Variants in BEST2 observed in about 807,000 individuals in gnomAD.
BEST2 encodes bestrophin-2a.
Under a neutral mutation model 49.0 loss-of-function variants are expected in BEST2, and 36 were observed. The observed-to-expected ratio is 0.73, with a 90% CI of 0.56 to 0.97. The LOEUF is 0.97. Ranked by LOEUF, BEST2 falls within the 50% of genes least tolerant of loss-of-function variation. BEST2 has a pLI of 0.00. For missense variants in BEST2, 672 were observed against 710.0 expected (o/e 0.95, Z 0.61); for synonymous variants, 335 against 304.4 (o/e 1.10, Z -1.05).
At position 12,754,731 on chromosome 19, in the gene BEST2, G is replaced by C. The variant is rs565237088; in HGVS notation, c.427G>C (p.Val143Leu). The C allele has an allele frequency of 4.0e-5, 64 of 1,593,240 alleles. No individual in the cohort carries two copies. In the East Asian group the frequency reaches 1.3e-3, roughly 33 times the overall value. The change falls in exon 4 of 10, where the codon GTC becomes CTC. Residue 143 changes from valine (V) to leucine (L), a missense_variant. Physicochemically the swap from Val to Leu is conservative, Grantham distance 32. Coordinates refer to ENST00000553030, the MANE Select transcript of BEST2 (RefSeq NM_017682.3). ...CTCGGCCGTGCTCATCCTGCGCTCCGTCAGCACCGCGGTGTTCAAGCGCTT... is the reference window on the plus strand; with the variant it reads ...CTCGGCCGTGCTCATCCTGCGCTCCCTCAGCACCGCGGTGTTCAAGCGCTT... The part of the protein sequence containing the change: ...GLSAVLILRS[V>L]STAVFKRFPT...
rs745509619 is a variant in BEST2, at chr19:12,757,913, G to C, written c.1366G>C (p.Gly456Arg). The change falls in exon 10 of 10, where the codon GGC becomes CGC. Residue 456 changes from glycine to arginine, a missense_variant. By Grantham distance (125) the Gly-to-Arg change is moderately radical. Coordinates refer to ENST00000553030, the MANE Select transcript of BEST2 (RefSeq NM_017682.3). ...CSCGDPLLDP[G>R]LPEPEAPPPA... ...CTGCGGGGACCCGCTGCTCGACCCC[G>C]GCCTGCCGGAGCCCGAGGCCCCGCC... 1.3e-6 allele frequency: 2 copies of C among 1,560,008 alleles called. No homozygotes were observed. Among genetic ancestry groups the C allele is most frequent in the East Asian group, 4.7e-5 (2 of 42,372 alleles).
rs765991431 is a variant in BEST2, at chr19:12,754,987, G to C, written c.592G>C (p.Glu198Gln). 20 of 1,612,078 alleles carry C rather than the reference G, an allele frequency of 1.2e-5. No individual in the cohort carries two copies. Among genetic ancestry groups the C allele is most frequent in the African/African-American group, 8.0e-5 (6 of 74,830 alleles). The part of the protein sequence containing the change: ...FSNLAAQARR[E>Q]GRIRDNSALK... ...CAACCTGGCGGCACAGGCCCGACGC[G>C]AGGGCCGCATCCGCGACAACAGCGC... Residue 198 changes from glutamate to glutamine, a missense_variant, in exon 5 of 10, where the codon GAG becomes CAG. Physicochemically the swap from Glu to Gln is conservative, Grantham distance 29. Around this residue, in one of 3 missense-constraint regions of BEST2, gnomAD observed 365 missense variants for 390.9 expected, o/e 0.93. Coordinates refer to ENST00000553030, the MANE Select transcript of BEST2 (RefSeq NM_017682.3).
At position 12,755,376 on chromosome 19, in the gene BEST2, C is replaced by T. The variant is rs1480119871; in HGVS notation, c.637-3C>T. The stretch of plus-strand genomic sequence containing the variant: ...CCTCCTCATGACCTGTATCCACCCC[C>T]AGGAGCTGAATGTTTTTCGGGGCAA... On this transcript the variant is annotated splice_region_variant and splice_polypyrimidine_tract_variant and intron_variant, in intron 5 of 9. Coordinates refer to ENST00000553030, the MANE Select transcript of BEST2 (RefSeq NM_017682.3). The surrounding 1 kb of genome is among the most constrained non-coding windows in gnomAD (Gnocchi z 4.4). 2 of 1,613,984 alleles carry T rather than the reference C, an allele frequency of 1.2e-6. No homozygotes were observed. The highest frequency in any genetic ancestry group is 2.2e-5 in the East Asian group (1 of 44,896).
rs769975830 is a variant in BEST2, at chr19:12,752,592, G to A, written c.-1G>A. The stretch of plus-strand genomic sequence containing the variant: ...CTTGGCCACACCTGCCGGGTGCCAC[G>A]ATGACCGTCACCTACACAGCCCGAG... On this transcript the variant is annotated 5_prime_UTR_variant, in exon 2 of 10. Coordinates refer to ENST00000553030, the MANE Select transcript of BEST2 (RefSeq NM_017682.3). 2.0e-5 allele frequency: 33 copies of A among 1,611,174 alleles called. No homozygotes were observed. The highest frequency in any genetic ancestry group is 2.7e-5 in the African/African-American group (2 of 74,792).
In BEST2 at chr19:12,757,811, A is replaced by G; in HGVS notation, c.1264A>G (p.Ser422Gly). The G allele has an allele frequency of 1.9e-6, 3 of 1,548,984 alleles. No homozygotes were observed. Among genetic ancestry groups the G allele is most frequent in the Non-Finnish European group, 2.6e-6 (3 of 1,146,604 alleles). Reference protein sequence around the residue: ...RRLSFLLRKNSCVSEASTGAS... With the variant: ...RRLSFLLRKNGCVSEASTGAS... ...CCTGTCCTTTCTACTCCGCAAGAAC[A>G]GCTGCGTGTCGGAGGCGTCTACTGG... The change falls in exon 10 of 10, where the codon AGC becomes GGC. Residue 422 changes from serine (S) to glycine (G), a missense_variant. Ser to Gly is a moderately conservative substitution (Grantham distance 56, BLOSUM62 0). This residue lies in a region of BEST2 where 291 missense variants were observed against 279.8 expected (regional missense o/e 1.04). Coordinates refer to ENST00000553030, the MANE Select transcript of BEST2 (RefSeq NM_017682.3).
chr19:12,755,534 G>C lies in BEST2; in HGVS notation c.714+78G>C. 6.2e-7 allele frequency: 1 copy of C among 1,609,328 alleles called. No individual in the cohort carries two copies. Among genetic ancestry groups the C allele is most frequent in the South Asian group, 1.1e-5 (1 of 90,982 alleles). On this transcript the variant is annotated intron_variant, in intron 6 of 9. Coordinates refer to ENST00000553030, the MANE Select transcript of BEST2 (RefSeq NM_017682.3). This position sits in a 1 kb window ranked among gnomAD's most constrained non-coding sequence, Gnocchi z 4.4. Reference sequence around the variant, plus strand: ...GTTTCCAAGGGGAAACCAAGAACTAGCTAAGACCCCCATCATAATGATGCC... The same window carrying C: ...GTTTCCAAGGGGAAACCAAGAACTACCTAAGACCCCCATCATAATGATGCC...
intron 9 of BEST2, chr19:12,756,749 G>T: frequency 5.5e-6 from 1 of 181,620 alleles, no homozygotes; most frequent in Non-Finnish European, 1.2e-5. Flanking sequence ...CAGGGGCTGA[G>T]GTGGGAGGAT....
In BEST2 at chr19:12,752,561, C is replaced by G. The variant is rs1170185276; in HGVS notation, c.-32C>G. On this transcript the variant is annotated 5_prime_UTR_variant, in exon 2 of 10. Coordinates refer to ENST00000553030, the MANE Select transcript of BEST2 (RefSeq NM_017682.3). ...CCGCAGCCCCCACCCGGGCCACCCA[C>G]TCTCCCTTGGCCACACCTGCCGGGT... The G allele has an allele frequency of 6.2e-7, 1 of 1,607,406 alleles. No homozygotes were observed. The highest frequency in any genetic ancestry group is 8.5e-7 in the Non-Finnish European group (1 of 1,177,406).
At chr19:12,752,106 C>T (rs1967875498) in intron 1 of BEST2, 1 of 166,050 alleles carries the variant, frequency 6.0e-6, no homozygotes. Context: ...GTGCAGGGAG[C>T]AGAATGGGTC....
In BEST2 at chr19:12,752,585, G is replaced by C. The variant is rs776803481; in HGVS notation, c.-8G>C. ...ACTCTCCCTTGGCCACACCTGCCGG[G>C]TGCCACGATGACCGTCACCTACACA... On this transcript the variant is annotated 5_prime_UTR_variant, in exon 2 of 10. Transcript: ENST00000553030. The C allele has an allele frequency of 6.2e-7, 1 of 1,610,976 alleles. No homozygotes were observed.
At position 12,754,887 on chromosome 19, in the gene BEST2, C is replaced by G. The variant is rs944937149; in HGVS notation, c.492C>G (p.Thr164=). 4 of 1,612,492 alleles carry G rather than the reference C, an allele frequency of 2.5e-6. No individual in the cohort carries two copies. In the Admixed American group the frequency reaches 6.7e-5, roughly 27 times the overall value. The change falls in exon 5 of 10, where the codon ACC becomes ACG. Residue 164 remains threonine, a synonymous_variant. Coordinates refer to ENST00000553030, the MANE Select transcript of BEST2 (RefSeq NM_017682.3). ...IDHVVEAGFM[T]REERKKFENL... is the part of the protein sequence containing the mutation. ...ACCCCTTTCCTCCAGGGTTTATGAC[C>G]CGCGAGGAGCGCAAGAAGTTTGAAA...
rs867875103 is a variant in BEST2 at position 12,754,786 on chromosome 19, G to T, written c.481+1G>T. 2.5e-6 allele frequency: 4 copies of T among 1,579,694 alleles called. No individual in the cohort carries two copies. Among genetic ancestry groups the T allele is most frequent in the Non-Finnish European group, 3.4e-6 (4 of 1,162,216 alleles). On this transcript the variant is annotated splice_donor_variant, in intron 4 of 9. Transcript: ENST00000553030. LOFTEE classifies it high-confidence loss of function. ...ACCATAGACCACGTGGTGGAGGCTG[G>T]TGAGTACTCGGCCAGAGGCAGGGCA...
chr19:12,756,112 C>G, intron 8 of BEST2, 29 bp from the exon 9 acceptor site: 1 of 1,613,702 alleles, frequency 6.2e-7, no homozygotes, highest in Non-Finnish European at 8.5e-7. Flanking sequence ...GCCCTGCCCC[C>G]ACTTTACCCT....
rs762979614 is a variant in BEST2 at position 12,755,808 on chromosome 19, G to C, written c.867+41G>C. 1.2e-6 allele frequency: 2 copies of C among 1,613,536 alleles called. No homozygotes were observed. The highest frequency in any genetic ancestry group is 2.2e-5 in the East Asian group (1 of 44,878). On this transcript the variant is annotated intron_variant, in intron 7 of 9. Transcript: ENST00000553030. The surrounding 1 kb of genome is among the most constrained non-coding windows in gnomAD (Gnocchi z 4.4). Reference sequence around the variant, plus strand: ...AGGCTGGAATTTCGTGGGTGGGGCGGGCATGGGGTTCCCAAGTTTCCACCT... The same window carrying C: ...AGGCTGGAATTTCGTGGGTGGGGCGCGCATGGGGTTCCCAAGTTTCCACCT...
chr19:12,757,658 AAAG>A lies in BEST2; in HGVS notation c.1116_1118del (p.Glu372del), dbSNP rs1004832185. On this transcript the variant is annotated inframe_deletion, in exon 10 of 10. Transcript: ENST00000553030. ...CCACTGTCGGTCCCGCAGGCTGGCC[AAAG>A]AAGACATGCAGTTCCAGCGGCTGGA... 9 of 1,538,522 alleles carry A rather than the reference AAAG, an allele frequency of 5.8e-6. No homozygotes were observed. Among genetic ancestry groups the A allele is most frequent in the Admixed American group, 2.0e-5 (1 of 50,088 alleles).
In BEST2 at chr19:12,757,964, C is replaced by T. The variant is rs1967966609; in HGVS notation, c.1417C>T (p.Leu473Phe). ...CCCTGCGGGTCCCGAACCGCTTACC[C>T]TCATCCCTGGGCCTGTCGAGCCCTT... ...PPPAGPEPLT[L>F]IPGPVEPFSI... is the part of the protein sequence containing the mutation. Residue 473 changes from leucine to phenylalanine, a missense_variant, in exon 10 of 10, where the codon CTC (leucine) becomes TTC (phenylalanine). By Grantham distance (22) the Leu-to-Phe change is conservative. Transcript: ENST00000553030. The T allele has an allele frequency of 6.2e-7, 1 of 1,607,090 alleles. No individual in the cohort carries two copies. The highest frequency in any genetic ancestry group is 8.5e-7 in the Non-Finnish European group (1 of 1,178,016).
intron 3 of BEST2, among the ~76,000 whole-genome samples, chr19:12,754,223 G>A (rs572849820): frequency 6.3e-4 from 96 of 151,834 alleles, no homozygotes; most frequent in Non-Finnish European, 1.1e-3. Context: ...CTACAGGTGC[G>A]CCACCATGCC....
chr19:12,753,148 G>A, intron 2 of BEST2, 112 bp from the exon 3 acceptor site: 1 of 1,104,582 alleles, frequency 9.1e-7, no homozygotes, highest in Non-Finnish European at 1.3e-6. Flanking sequence ...ATAGCACCCG[G>A]CTGGGGGCAG....
chr19:12,752,281 G>A (rs1174296198), intron 1 of BEST2, among the ~76,000 whole-genome samples: 9 of 151,812 alleles, frequency 5.9e-5, no homozygotes, highest in Non-Finnish European at 1.2e-4. Context: ...CGGGCAGAGG[G>A]TGACTCGGGA....
Sources: gnomAD v4.1 joint callset for allele counts (sites outside exome capture counted in the v4.1 genomes callset) on GRCh38, gnomAD v4.1.1 for gene constraint, gnomAD v4.1.1 regional missense constraint, Gnocchi (gnomAD v3.1) non-coding constraint, MANE v1.5 for transcripts, NCBI Gene and HGNC (gene_info 2026-07-23, HGNC 2026-07-21) for gene names.